The following SLC12A6 variants were observed in gnomAD, a reference collection of about 807,000 sequenced individuals.
SLC12A6 encodes solute carrier family 12 member 6, also known as K-Cl cotransporter 3.
SLC12A6 carries 66 observed loss-of-function variants against 135.3 expected under a neutral mutation model. The ratio of observed to expected loss-of-function variants is 0.49; its 90% CI spans 0.40 to 0.60. The LOEUF (loss-of-function observed/expected upper bound fraction) is 0.60, where lower values mean the gene tolerates loss of function less well. Ranked by LOEUF, SLC12A6 falls within the 20% of genes least tolerant of loss-of-function variation. SLC12A6 has a pLI of 0.00. For synonymous variants in SLC12A6, 513 were observed against 508.8 expected, an observed-to-expected ratio of 1.01 and a Z score of -0.11; for missense variants, 1,058 against 1,452.3, an observed-to-expected ratio of 0.73 and a Z score of 4.41.
At chr15:34,304,310 T>G (rs1324335242) in intron 2 of SLC12A6, among the ~76,000 whole-genome samples, 1 of 152,216 alleles carries the variant, frequency 6.6e-6, no homozygotes, top group African/African-American at 2.4e-5. Flanking sequence ...TATCTATTCA[T>G]TTGTCAGCTG....
At chr15:34,336,329 T>A (rs879349897) in intron 2 of SLC12A6, 81 bp downstream of exon 2, 15 of 1,110,816 alleles carry the variant, frequency 1.4e-5, no homozygotes, top group Non-Finnish European at 2.1e-5. Flanking sequence ...TATATGATTA[T>A]GATCTTCCAG....
At chr15:34,273,298 C>T (rs1351914412) in intron 3 of SLC12A6, among the ~76,000 whole-genome samples, 1 of 152,158 alleles carries the variant, frequency 6.6e-6, no homozygotes, top group Non-Finnish European at 1.5e-5. Context: ...TTGCAGTGAG[C>T]CAAGATCGTG....
intron 2 of SLC12A6, among the ~76,000 whole-genome samples, chr15:34,279,518 T>C (rs1361752197): frequency 6.6e-6 from 1 of 152,212 alleles, no homozygotes; most frequent in African/African-American, 2.4e-5. Flanking sequence ...CTAACACTGC[T>C]GAGATATGTC....
chr15:34,318,926 T>C (rs1222072957), intron 2 of SLC12A6: 3 of 895,678 alleles, frequency 3.3e-6, no homozygotes, highest in Non-Finnish European at 4.7e-6. Flanking sequence ...CCTTGCTTAT[T>C]GTTATTAACC....
At chr15:34,255,143 T>C (rs1319440168) in intron 8 of SLC12A6, 119 bp downstream of exon 8, 2 of 859,634 alleles carry the variant, frequency 2.3e-6, no homozygotes, top group Admixed American at 1.7e-5. Context: ...CCAACTGACG[T>C]TGGCAGTCAA....
At chr15:34,308,221 C>T (rs957746891) in intron 2 of SLC12A6, among the ~76,000 whole-genome samples, 1 of 152,134 alleles carries the variant, frequency 6.6e-6, no homozygotes, top group African/African-American at 2.4e-5. Flanking sequence ...ATCTAAATTT[C>T]CATTAGTTAG....
intron 2 of SLC12A6, among the ~76,000 whole-genome samples, chr15:34,304,296 A>C (rs1896452875): frequency 6.6e-6 from 1 of 152,072 alleles, no homozygotes; most frequent in Non-Finnish European, 1.5e-5. Flanking sequence ...GCTATATCAC[A>C]TTTTATCTAT....
chr15:34,264,970 G>A (rs928242398), intron 3 of SLC12A6, among the ~76,000 whole-genome samples: 1 of 152,200 alleles, frequency 6.6e-6, no homozygotes, highest in African/African-American at 2.4e-5. Flanking sequence ...GCCGAGGCGG[G>A]CGAATCACGA....
chr15:34,256,312 T>C (rs1333625642), intron 6 of SLC12A6, 29 bp from the exon 7 acceptor site: 3 of 1,506,070 alleles, frequency 2.0e-6, no homozygotes, highest in Non-Finnish European at 2.8e-6. Flanking sequence ...GAGAGGATTG[T>C]TACTGTGTAA....
intron 2 of SLC12A6, among the ~76,000 whole-genome samples, chr15:34,308,280 C>A (rs1452591183): frequency 6.6e-6 from 1 of 152,022 alleles, no homozygotes. Context: ...TTCTATCTCG[C>A]TGATAATTGC....
chr15:34,302,549 G>A (rs564809472), intron 2 of SLC12A6, among the ~76,000 whole-genome samples: 2 of 152,264 alleles, frequency 1.3e-5, no homozygotes, highest in South Asian at 4.1e-4. Flanking sequence ...ACAAAAATTA[G>A]CCAGGTGTGG....
chr15:34,247,853 C>A (rs1016095570), intron 13 of SLC12A6, among the ~76,000 whole-genome samples: 1 of 152,024 alleles, frequency 6.6e-6, no homozygotes, highest in Non-Finnish European at 1.5e-5. Context: ...TACAGGCATA[C>A]GCCACCATGC....
chr15:34,237,377 T>G (rs765275704), intron 22 of SLC12A6, 42 bp downstream of exon 22: 7 of 1,576,372 alleles, frequency 4.4e-6, no homozygotes, highest in Non-Finnish European at 6.1e-6. Flanking sequence ...GGGAGAGGAA[T>G]GGGGGAATGA....
At chr15:34,328,025 T>G (rs549282918) in intron 2 of SLC12A6, among the ~76,000 whole-genome samples, 1 of 151,504 alleles carries the variant, frequency 6.6e-6, no homozygotes, top group African/African-American at 2.4e-5. Flanking sequence ...GTAATAAAAC[T>G]ACAAACAAAA....
intron 24 of SLC12A6, among the ~76,000 whole-genome samples, chr15:34,235,707 G>T (rs1003660396): frequency 1.3e-5 from 2 of 152,122 alleles, no homozygotes; most frequent in Admixed American, 1.3e-4. Flanking sequence ...CAAAGTGCTG[G>T]GATTACAGGC....
At chr15:34,258,972 G>C (rs558063178) in intron 4 of SLC12A6, 28 bp from the exon 5 acceptor site, 3 of 1,579,090 alleles carry the variant, frequency 1.9e-6, no homozygotes, top group Non-Finnish European at 2.6e-6. Flanking sequence ...TGGAAGAAAT[G>C]AGCTACAAAG....
At chr15:34,239,430 T>C (rs977627229) in intron 19 of SLC12A6, among the ~76,000 whole-genome samples, 2 of 152,190 alleles carry the variant, frequency 1.3e-5, no homozygotes, top group African/African-American at 2.4e-5. Flanking sequence ...CTTTGCACCA[T>C]ACCAAAAAAC....
rs1202897976 is a variant in SLC12A6, at chr15:34,230,041, AAAC to A, written c.*3837_*3839del. ...TTATTTTTGTTTCCAGTACAGAGCA[AAAC>A]AACAACAAAAAAACATAACTATGTA... On this transcript the variant is annotated 3_prime_UTR_variant, in exon 26 of 26. Coordinates refer to ENST00000354181, the MANE Select transcript of SLC12A6 (RefSeq NM_001365088.1). 2.6e-5 allele frequency: 12 copies of A among 458,498 alleles called. No homozygotes were observed. The highest frequency in any genetic ancestry group is 2.4e-4 in the East Asian group (7 of 29,230). The allele number at this position is 458,498 out of a possible 1,614,324, so 28.4% of individuals were successfully genotyped here.
intron 1 of SLC12A6, 44 bp from the exon 2 acceptor site, chr15:34,336,796 C>A (rs889284166): frequency 2.4e-6 from 2 of 820,682 alleles, no homozygotes; most frequent in African/African-American, 1.7e-5. Context: ...ATTTCAATAA[C>A]CTTGATTCAC....
Sources: gnomAD v4.1 joint callset for allele counts (sites outside exome capture counted in the v4.1 genomes callset) on GRCh38, gnomAD v4.1.1 for gene constraint, MANE v1.5 for transcripts, NCBI Gene and HGNC (gene_info 2026-07-23, HGNC 2026-07-21) for gene names.